The following TNRC18 variants were observed in gnomAD, a reference collection of about 807,000 sequenced individuals.
TNRC18 encodes the protein trinucleotide repeat-containing gene 18 protein.
In TNRC18, 69 loss-of-function variants were observed where a neutral mutation model predicts 226.7. That is an observed-to-expected ratio of 0.30 (90% confidence interval 0.25 to 0.37). The LOEUF (loss-of-function observed/expected upper bound fraction) is 0.37. Among genes scored for constraint, TNRC18 ranks in the 10% least tolerant of loss-of-function variants. The probability of loss-of-function intolerance (pLI) is 1.00; values close to 1 mark genes in which losing one functional copy is unlikely to be tolerated. For missense variants in TNRC18, 4,754 were observed against 4,256.6 expected (o/e 1.12, Z -3.25); for synonymous variants, 2,449 against 1,927.6 (o/e 1.27, Z -7.09).
intron 18 of TNRC18, among the ~76,000 whole-genome samples, chr7:5,341,384 A>ACTCCAGC (rs1345605604): frequency 4.0e-4 from 57 of 142,120 alleles, no homozygotes; most frequent in African/African-American, 1.4e-3. Flanking sequence ...ACGCCACTGC[A>ACTCCAGC]CTCCAGCCTG....
At chr7:5,382,893 G>T (rs1164683583) in intron 5 of TNRC18, among the ~76,000 whole-genome samples, 1 of 152,034 alleles carries the variant, frequency 6.6e-6, no homozygotes, top group East Asian at 1.9e-4. Flanking sequence ...CAACGGCAAC[G>T]ATTGCTTTCT....
chr7:5,315,930 C>T (rs1346729721), intron 25 of TNRC18, 26 bp downstream of exon 25: 9 of 1,525,266 alleles, frequency 5.9e-6, no homozygotes, highest in Non-Finnish European at 6.2e-6. Context: ...TGGCAGGAGA[C>T]CGGGTGTCAT....
rs1396137833 is a variant in TNRC18, at chr7:5,381,416, C to T, written c.2153-3392G>A. 6.6e-5 allele frequency among the ~76,000 whole-genome samples: 10 copies of T among 152,236 alleles called. No individual in the cohort carries two copies. In the East Asian group the frequency reaches 1.9e-3, roughly 29 times the overall value. ...CTCTGGGCCACACACACACCATTCC[C>T]ACCACCTGGACCTCCACCATCAGAG... On this transcript the variant is annotated intron_variant, in intron 5 of 29. Transcript: ENST00000430969.
intron 5 of TNRC18, among the ~76,000 whole-genome samples, chr7:5,381,223 C>T (rs546944988): frequency 2.6e-5 from 4 of 152,230 alleles, no homozygotes; most frequent in Non-Finnish European, 2.9e-5. Flanking sequence ...CTCTGTCCCC[C>T]ACCCCTGCGC....
chr7:5,330,837 C>A (rs1178802794), intron 19 of TNRC18, among the ~76,000 whole-genome samples: 1 of 152,062 alleles, frequency 6.6e-6, no homozygotes, highest in Non-Finnish European at 1.5e-5. Context: ...CCATGCCTGG[C>A]TAATTTTTGT....
At chr7:5,403,735 A>G (rs1397547393) in intron 2 of TNRC18, among the ~76,000 whole-genome samples, 1 of 151,716 alleles carries the variant, frequency 6.6e-6, no homozygotes, top group East Asian at 1.9e-4. Context: ...AGAGGCATTG[A>G]GCTATGGTTG....
chr7:5,367,687 C>G (rs1793747014), intron 11 of TNRC18, among the ~76,000 whole-genome samples: 1 of 151,310 alleles, frequency 6.6e-6, no homozygotes, highest in Non-Finnish European at 1.5e-5. Flanking sequence ...CTCGGCCTCC[C>G]AAAATGCTGG....
At chr7:5,354,366 G>A (rs192863802) in intron 16 of TNRC18, among the ~76,000 whole-genome samples, 41 of 152,038 alleles carry the variant, frequency 2.7e-4, no homozygotes, top group Admixed American at 5.2e-4. Context: ...CTGAAAGTGG[G>A]GAATTCTTTC....
At chr7:5,311,142 T>C (rs895475350) in intron 27 of TNRC18, among the ~76,000 whole-genome samples, 4 of 152,300 alleles carry the variant, frequency 2.6e-5, no homozygotes, top group South Asian at 2.1e-4. Flanking sequence ...GTGTGTATAC[T>C]TGCTTTTGTG....
intron 10 of TNRC18, 78 bp from the exon 11 acceptor site, chr7:5,371,442 C>G (rs2128173288): frequency 2.8e-6 from 4 of 1,424,758 alleles, no homozygotes; most frequent in Non-Finnish European, 3.7e-6. Context: ...GCCCACCACC[C>G]CAGACAGAGA....
chr7:5,325,885 A>G (rs7800151), intron 19 of TNRC18, among the ~76,000 whole-genome samples: 2,484 of 151,450 alleles, frequency 0.016, 58 homozygotes, highest in Admixed American at 0.059. Flanking sequence ...ACAGGTGCAC[A>G]CCACCACACC....
At chr7:5,340,571 T>C (rs1469040565) in intron 18 of TNRC18, among the ~76,000 whole-genome samples, 7 of 29,512 alleles carry the variant, frequency 2.4e-4, no homozygotes, top group African/African-American at 3.8e-4. Context: ...ACCCCATCTC[T>C]ACTAAAAAAA....
At chr7:5,420,061 T>C (rs1014960669) in intron 2 of TNRC18, 3 of 233,988 alleles carry the variant, frequency 1.3e-5, no homozygotes, top group African/African-American at 7.2e-5. Context: ...GGACCAGGTG[T>C]CCTGGGGCGG....
intron 18 of TNRC18, 88 bp from the exon 19 acceptor site, chr7:5,333,137 C>G: frequency 7.0e-7 from 1 of 1,434,862 alleles, no homozygotes; most frequent in Non-Finnish European, 9.4e-7. Flanking sequence ...TCCTCCCCGG[C>G]GGGACCTCCC....
At chr7:5,419,215 G>A (rs1391359766) in intron 2 of TNRC18, among the ~76,000 whole-genome samples, 1 of 152,262 alleles carries the variant, frequency 6.6e-6, no homozygotes, top group East Asian at 1.9e-4. Flanking sequence ...GTCAGATTAG[G>A]CGCGGCCCTG....
chr7:5,308,386 G>C, intron 29 of TNRC18, 74 bp from the exon 30 acceptor site: 2 of 1,406,398 alleles, frequency 1.4e-6, no homozygotes, highest in South Asian at 2.6e-5. Context: ...GAGCCACAGG[G>C]ACAGAGACAG....
chr7:5,387,428 A>T (rs1419371436), intron 5 of TNRC18, among the ~76,000 whole-genome samples: 1 of 152,278 alleles, frequency 6.6e-6, no homozygotes, highest in East Asian at 1.9e-4. Flanking sequence ...TGCGATGCAC[A>T]CAAAGACTGA....
intron 19 of TNRC18, among the ~76,000 whole-genome samples, chr7:5,327,372 C>CGTGCGTGT (rs1554273803): frequency 2.9e-4 from 42 of 142,810 alleles, no homozygotes; most frequent in African/African-American, 1.0e-3. Flanking sequence ...TGTGTTTGTG[C>CGTGCGTGT]GTGTGTGTGT....
chr7:5,407,960 G>A (rs562272108), intron 2 of TNRC18, among the ~76,000 whole-genome samples: 13 of 152,310 alleles, frequency 8.5e-5, no homozygotes, highest in African/African-American at 3.1e-4. Context: ...GAAGGAGTGT[G>A]AGCCTACAAG....
Sources: gnomAD v4.1 joint callset for allele counts (sites outside exome capture counted in the v4.1 genomes callset) on GRCh38, gnomAD v4.1.1 for gene constraint, MANE v1.5 for transcripts, NCBI Gene and HGNC (gene_info 2026-07-23, HGNC 2026-07-21) for gene names.